Variants in STRIP2 observed in about 807,000 individuals in gnomAD.
The protein encoded by STRIP2 is striatin-interacting protein 2.
A neutral mutation model predicts 107.1 loss-of-function variants in STRIP2; 84 were observed. The observed-to-expected ratio is 0.78, with a 90% CI of 0.66 to 0.94. The LOEUF is 0.94. Ranked by LOEUF, STRIP2 falls within the 40% of genes least tolerant of loss-of-function variation. The pLI, the probability that STRIP2 is intolerant of heterozygous loss-of-function variation, is 0.00. For synonymous variants in STRIP2, 394 were observed against 400.4 expected (o/e 0.98, Z 0.19); for missense variants, 888 against 1,034.2 (o/e 0.86, Z 1.94).
At position 129,483,050 on chromosome 7, in the gene STRIP2, A is replaced by T; in HGVS notation, c.2254+4A>T. On this transcript the variant is annotated splice_donor_region_variant and intron_variant, in intron 20 of 20. Coordinates refer to ENST00000249344, the MANE Select transcript of STRIP2 (RefSeq NM_020704.3). This position sits in a 1 kb window ranked among gnomAD's most constrained non-coding sequence, Gnocchi z 5.1. ...GATGACTGGGCTTACGGGAATGGTGAGTCTTCCCAAAGCTCTTGACTTCCT... is the reference window on the plus strand; with the variant it reads ...GATGACTGGGCTTACGGGAATGGTGTGTCTTCCCAAAGCTCTTGACTTCCT... 1 of 1,613,956 alleles carries T rather than the reference A, an allele frequency of 6.2e-7. No individual in the cohort carries two copies. The highest frequency in any genetic ancestry group is 8.5e-7 in the Non-Finnish European group (1 of 1,179,848).
chr7:129,460,162 C>T, intron 12 of STRIP2, 139 bp from the exon 13 acceptor site: 1 of 653,210 alleles, frequency 1.5e-6, no homozygotes, highest in Non-Finnish European at 2.6e-6. Flanking sequence ...AGACTCCTTC[C>T]TTGAAAGAGT....
At chr7:129,444,720 A>G (rs1797989207) in intron 3 of STRIP2, among the ~76,000 whole-genome samples, 1 of 152,162 alleles carries the variant, frequency 6.6e-6, no homozygotes, top group Non-Finnish European at 1.5e-5. Context: ...AGACAATAAT[A>G]AGGGCATAGT....
intron 17 of STRIP2, among the ~76,000 whole-genome samples, chr7:129,470,037 C>T (rs1331949268): frequency 6.6e-6 from 1 of 152,208 alleles, no homozygotes; most frequent in African/African-American, 2.4e-5. Flanking sequence ...CCCCTCCTAA[C>T]TCATGCCTGC....
rs1460241454 is a variant in STRIP2 at position 129,458,813 on chromosome 7, G to C, written c.1340+36G>C. 1 of 1,602,736 alleles carries C rather than the reference G, an allele frequency of 6.2e-7. No individual in the cohort carries two copies. Among genetic ancestry groups the C allele is most frequent in the South Asian group, 1.1e-5 (1 of 90,776 alleles). On this transcript the variant is annotated intron_variant, in intron 11 of 20. Coordinates refer to ENST00000249344, the MANE Select transcript of STRIP2 (RefSeq NM_020704.3). The surrounding 1 kb of genome is among the most constrained non-coding windows in gnomAD (Gnocchi z 4.6). Reference sequence around the variant, plus strand: ...GAATGGCTGGAACTGGCTACAGAGTGGTTCCTAGGGGGCCAGAGGAGCAGG... The same window carrying C: ...GAATGGCTGGAACTGGCTACAGAGTCGTTCCTAGGGGGCCAGAGGAGCAGG...
At chr7:129,477,361 A>G (rs1798997737) in intron 18 of STRIP2, among the ~76,000 whole-genome samples, 1 of 152,232 alleles carries the variant, frequency 6.6e-6, no homozygotes, top group African/African-American at 2.4e-5. Flanking sequence ...CATACCATAA[A>G]GTATATATCC....
At chr7:129,481,492 G>A (rs113276225) in intron 19 of STRIP2, among the ~76,000 whole-genome samples, 36 of 151,110 alleles carry the variant, frequency 2.4e-4, no homozygotes, top group African/African-American at 7.3e-4. Flanking sequence ...GTGAGACTCC[G>A]TCTCAAAATA....
intron 3 of STRIP2, among the ~76,000 whole-genome samples, chr7:129,444,431 G>T (rs184067376): frequency 6.6e-6 from 1 of 152,124 alleles, no homozygotes; most frequent in Non-Finnish European, 1.5e-5. Flanking sequence ...AGGCTGAAAG[G>T]CTAGGCCCAT....
At chr7:129,438,503 T>C (rs1797811005) in intron 1 of STRIP2, among the ~76,000 whole-genome samples, 1 of 152,326 alleles carries the variant, frequency 6.6e-6, no homozygotes, top group Admixed American at 6.5e-5. Flanking sequence ...GTCCTTAAAA[T>C]AACCCTATGA....
intron 18 of STRIP2, among the ~76,000 whole-genome samples, chr7:129,474,743 C>T (rs1461968547): frequency 1.3e-5 from 2 of 151,916 alleles, no homozygotes; most frequent in African/African-American, 4.8e-5. Flanking sequence ...AACTCCTGAC[C>T]ACAAATGATC....
rs974079812 is a variant in STRIP2 at position 129,434,446 on chromosome 7, C to A, written c.-27C>A. The A allele has an allele frequency of 8.9e-5, 133 of 1,489,306 alleles. No homozygotes were observed. Among genetic ancestry groups the A allele is most frequent in the Non-Finnish European group, 1.2e-4 (130 of 1,126,246 alleles). The allele number at this position is 1,489,306 out of a possible 1,614,324, so 92.3% of individuals were successfully genotyped here. On this transcript the variant is annotated 5_prime_UTR_variant, in exon 1 of 21. Transcript: ENST00000249344. The stretch of plus-strand genomic sequence containing the variant: ...GTCGCCTCCGGCAAAGCGAGCTGAA[C>A]CCTGAGGGGAGCCGCTGACCAGCAG...
rs886902100 is a variant in STRIP2, at chr7:129,483,284, T to G, written c.2254+238T>G. 42 of 1,236,206 alleles carry G rather than the reference T, an allele frequency of 3.4e-5. No individual in the cohort carries two copies. In the African/African-American group the frequency reaches 5.5e-4, roughly 16 times the overall value. The allele number at this position is 1,236,206 out of a possible 1,614,324, so 76.6% of individuals were successfully genotyped here. On this transcript the variant is annotated intron_variant, in intron 20 of 20. Transcript: ENST00000249344. This position sits in a 1 kb window ranked among gnomAD's most constrained non-coding sequence, Gnocchi z 5.1. ...TTTATAAAACAAGTAAATTGAGAGA[T>G]AATTAATTGCCTTTCCAAAACATTC...
At chr7:129,450,956 A>G (rs1798171951) in intron 3 of STRIP2, among the ~76,000 whole-genome samples, 1 of 60,190 alleles carries the variant, frequency 1.7e-5, no homozygotes, top group Non-Finnish European at 2.7e-5. Flanking sequence ...TTTTTTTTTG[A>G]GACGGAGTCT....
chr7:129,467,546 A>G (rs1584959336), intron 17 of STRIP2, 96 bp downstream of exon 17: 2 of 778,050 alleles, frequency 2.6e-6, no homozygotes, highest in East Asian at 5.3e-5. Flanking sequence ...TGGTGTCCCT[A>G]GTCCCTCCTG....
rs779730006 is a variant in STRIP2, at chr7:129,470,699, T to C, written c.1928T>C (p.Leu643Pro). ...TGTACCATCCAGGATTTGCCGGAGCTTACTACTGAAAGTCTGGTAAGCAGA... is the reference window on the plus strand; with the variant it reads ...TGTACCATCCAGGATTTGCCGGAGCCTACTACTGAAAGTCTGGTAAGCAGA... The part of the protein sequence containing the change: ...PCCTIQDLPE[L>P]TTESLEAGDN... The change falls in exon 18 of 21, where the codon CTT becomes CCT. Residue 643 changes from leucine to proline, a missense_variant. Leu to Pro is a moderately conservative substitution (Grantham distance 98). Transcript: ENST00000249344. The C allele has an allele frequency of 6.2e-7, 1 of 1,614,028 alleles. No individual in the cohort carries two copies.
intron 2 of STRIP2, among the ~76,000 whole-genome samples, chr7:129,442,891 AG>A (rs778454010): frequency 4.6e-5 from 7 of 152,168 alleles, no homozygotes; most frequent in Non-Finnish European, 7.3e-5. Flanking sequence ...TCAGGTAGGG[AG>A]CAGAGATTTA....
rs749283368 is a variant in STRIP2, at chr7:129,454,409, C to A, written c.600-12C>A. On this transcript the variant is annotated splice_polypyrimidine_tract_variant and intron_variant, in intron 6 of 20. Coordinates refer to ENST00000249344, the MANE Select transcript of STRIP2 (RefSeq NM_020704.3). The stretch of plus-strand genomic sequence containing the variant: ...GCCTTGGGAACCTCTTGTGACTCTT[C>A]TGTAACCCCAGGGTGCTGCTGAGTG... The A allele has an allele frequency of 5.0e-6, 8 of 1,607,244 alleles. No homozygotes were observed. The highest frequency in any genetic ancestry group is 3.3e-4 in the Middle Eastern group (2 of 5,992).
At chr7:129,456,324 G>T (rs1798351568) in intron 8 of STRIP2, 115 bp from the exon 9 acceptor site, 7 of 849,994 alleles carry the variant, frequency 8.2e-6, no homozygotes, top group Admixed American at 2.4e-5. Context: ...TAAGGAAAAG[G>T]TCTGAAGGGA....
chr7:129,477,955 C>G, intron 18 of STRIP2: 2 of 518,118 alleles, frequency 3.9e-6, no homozygotes, highest in East Asian at 1.1e-4. Context: ...GCAGACATGT[C>G]CAAGGAATAT....
At position 129,451,734 on chromosome 7, in the gene STRIP2, C is replaced by G. The variant is rs771426797; in HGVS notation, c.396C>G (p.Leu132=). ...GGCTGAAGGTGGCCCGGGCTGTTCT[C>G]TACCTGGCCCAAGGTGAGTGACCAC... ...ERRLKVARAV[L]YLAQGTFGEC... Residue 132 remains leucine (L), a synonymous_variant, in exon 4 of 21, where the codon CTC becomes CTG. Coordinates refer to ENST00000249344, the MANE Select transcript of STRIP2 (RefSeq NM_020704.3). 6.2e-7 allele frequency: 1 copy of G among 1,613,366 alleles called. No homozygotes were observed. The highest frequency in any genetic ancestry group is 1.1e-5 in the South Asian group (1 of 91,014).
Sources: gnomAD v4.1 joint callset for allele counts (sites outside exome capture counted in the v4.1 genomes callset) on GRCh38, gnomAD v4.1.1 for gene constraint, Gnocchi (gnomAD v3.1) non-coding constraint, MANE v1.5 for transcripts, NCBI Gene and HGNC (gene_info 2026-07-23, HGNC 2026-07-21) for gene names.